BEND6: variants seen among roughly 807,000 people sequenced by gnomAD.
BEND6 encodes BEN domain-containing protein 6.
A neutral mutation model predicts 31.8 loss-of-function variants in BEND6; 24 were observed. That is an observed-to-expected ratio of 0.75 (90% CI 0.55 to 1.06). BEND6 has a LOEUF of 1.06. BEND6 is among the 50% of genes least tolerant of loss of function. The pLI is 0.00. For missense variants in BEND6, 294 were observed against 327.4 expected, an observed-to-expected ratio of 0.90 and a Z score of 0.79; for synonymous variants, 109 against 114.6, an observed-to-expected ratio of 0.95 and a Z score of 0.31.
At position 56,981,946 on chromosome 6, in the gene BEND6, C is replaced by CCTTGACTCAACTTTGTTAT. The variant is rs777088619; in HGVS notation, c.120+19_120+37dup. 7 of 1,597,488 alleles carry CCTTGACTCAACTTTGTTAT rather than the reference C, an allele frequency of 4.4e-6. No homozygotes were observed. In the African/African-American group the frequency reaches 9.5e-5, roughly 22 times the overall value. Reference sequence around the variant, plus strand: ...TAAAGGACAGGTTGGTTTTTTGTTACCTTGACTCAACTTTGTTATCTAGCT... The same window carrying CCTTGACTCAACTTTGTTAT: ...TAAAGGACAGGTTGGTTTTTTGTTACCTTGACTCAACTTTGTTATCTTGACTCAACTTTGTTATCTAGCT... On this transcript the variant is annotated intron_variant, in intron 2 of 6. Transcript: ENST00000370746.
chr6:57,004,257 G>A lies in BEND6; in HGVS notation c.299-10876G>A, dbSNP rs992487290. Among the ~76,000 whole-genome samples, 5 of 151,770 alleles carry A rather than the reference G, an allele frequency of 3.3e-5. No homozygotes were observed. The South Asian group carries it at 6.3e-4, about 19-fold the overall frequency. On this transcript the variant is annotated intron_variant, in intron 3 of 6. Transcript: ENST00000370746. ...CTATCTCTCTTTGCTGACAATATGA[G>A]TCTATACTAGAAAACCTTGAAGATT...
chr6:56,977,237 A>G (rs1825908029), intron 1 of BEND6, among the ~76,000 whole-genome samples: 1 of 152,234 alleles, frequency 6.6e-6, no homozygotes, highest in South Asian at 2.1e-4. Flanking sequence ...CACAATAATC[A>G]ATTAAATAAC....
At chr6:57,017,420 T>C (rs201617068) in intron 5 of BEND6, 21 bp downstream of exon 5, 624 of 1,310,256 alleles carry the variant, frequency 4.8e-4, no homozygotes, top group Non-Finnish European at 5.6e-4. Context: ...GATTGCGTTA[T>C]ATTGTCGTAT....
intron 1 of BEND6, among the ~76,000 whole-genome samples, chr6:56,962,114 C>T (rs1313914112): frequency 6.6e-6 from 1 of 152,174 alleles, no homozygotes; most frequent in Non-Finnish European, 1.5e-5. Flanking sequence ...TCAGCCTCCT[C>T]TCTCTCTTTC....
chr6:57,005,641 C>T (rs1827129847), intron 3 of BEND6, among the ~76,000 whole-genome samples: 1 of 150,898 alleles, frequency 6.6e-6, no homozygotes, highest in African/African-American at 2.4e-5. Context: ...GATCGCCCCA[C>T]TGCACTCCAC....
Position 57,015,195 on chromosome 6 carries a change from G to A in BEND6, c.361G>A (p.Gly121Ser), listed in dbSNP as rs1827496375. 2 of 1,614,024 alleles carry A rather than the reference G, an allele frequency of 1.2e-6. No homozygotes were observed. The highest frequency in any genetic ancestry group is 1.1e-5 in the South Asian group (1 of 91,076). The change falls in exon 4 of 7, where the codon GGT becomes AGT. Residue 121 changes from glycine (G) to serine (S), a missense_variant. Coordinates refer to ENST00000370746, the MANE Select transcript of BEND6 (RefSeq NM_152731.3). ...TGGTATGGCCGAGGCTCTGCTTAAGGGTGGGGGAACCATGTCTACATCTGC... is the reference window on the plus strand; with the variant it reads ...TGGTATGGCCGAGGCTCTGCTTAAGAGTGGGGGAACCATGTCTACATCTGC... ...LVGMAEALLK[G>S]GGTMSTSAST...
chr6:56,972,232 C>G (rs746184732), intron 1 of BEND6, among the ~76,000 whole-genome samples: 3 of 151,350 alleles, frequency 2.0e-5, no homozygotes, highest in Non-Finnish European at 2.9e-5. Context: ...ATAGCTGCGA[C>G]TAAAGTCATG....
chr6:56,993,520 A>T (rs1012491042), intron 3 of BEND6, among the ~76,000 whole-genome samples: 1 of 152,242 alleles, frequency 6.6e-6, no homozygotes, highest in African/African-American at 2.4e-5. Context: ...CAGAATAGTA[A>T]TAAGAGACAG....
rs565882948 is a variant in BEND6 at position 56,974,273 on chromosome 6, A to G, written c.-100-7438A>G. Reference sequence around the variant, plus strand: ...CAGAAAAAGAAATGAAGGTGAAATAAAAGAAAGCAGGTGATACCATCTAAA... The same window carrying G: ...CAGAAAAAGAAATGAAGGTGAAATAGAAGAAAGCAGGTGATACCATCTAAA... On this transcript the variant is annotated intron_variant, in intron 1 of 6. Coordinates refer to ENST00000370746, the MANE Select transcript of BEND6 (RefSeq NM_152731.3). Among the ~76,000 whole-genome samples the G allele has an allele frequency of 1.3e-3, 198 of 152,290 alleles. 2 individuals carry two copies. The highest frequency in any genetic ancestry group is 0.013 in the Admixed American group (198 of 15,294).
At chr6:57,004,660 C>T in intron 3 of BEND6, 1 of 1,352,956 alleles carries the variant, frequency 7.4e-7, no homozygotes. Context: ...GTGGGCATTA[C>T]ATTTGGAAAA....
chr6:56,965,291 T>C (rs1825433653), intron 1 of BEND6, among the ~76,000 whole-genome samples: 2 of 152,058 alleles, frequency 1.3e-5, no homozygotes, highest in Non-Finnish European at 2.9e-5. Flanking sequence ...CTTAAGATGA[T>C]TTATTAAGTA....
intron 1 of BEND6, among the ~76,000 whole-genome samples, chr6:56,957,411 C>G (rs1345851211): frequency 6.6e-6 from 1 of 152,118 alleles, no homozygotes; most frequent in Non-Finnish European, 1.5e-5. Flanking sequence ...TTGTTTGTTG[C>G]TAATTTATCA....
intron 2 of BEND6, among the ~76,000 whole-genome samples, chr6:56,983,072 C>T (rs1283329790): frequency 6.6e-6 from 1 of 152,162 alleles, no homozygotes; most frequent in Admixed American, 6.5e-5. Flanking sequence ...AACCACACAA[C>T]ACTGTACCAC....
chr6:56,967,442 TCTC>T (rs546453702), intron 1 of BEND6, among the ~76,000 whole-genome samples: 106 of 152,164 alleles, frequency 7.0e-4, no homozygotes, highest in African/African-American at 2.3e-3. Context: ...GAGGATAAAT[TCTC>T]CTGACTCGCT....
At chr6:56,963,483 A>G (rs1049757746) in intron 1 of BEND6, among the ~76,000 whole-genome samples, 1 of 152,228 alleles carries the variant, frequency 6.6e-6, no homozygotes, top group Non-Finnish European at 1.5e-5. Flanking sequence ...TTGACCCAGC[A>G]TCTCCAGAAA....
At chr6:56,984,849 C>T (rs896183496) in intron 2 of BEND6, among the ~76,000 whole-genome samples, 7 of 152,206 alleles carry the variant, frequency 4.6e-5, no homozygotes, top group Non-Finnish European at 1.0e-4. Context: ...CTGTCAAGAA[C>T]ACTTAAAGAA....
At chr6:56,958,123 A>T (rs1228340871) in intron 1 of BEND6, among the ~76,000 whole-genome samples, 1 of 152,196 alleles carries the variant, frequency 6.6e-6, no homozygotes, top group Admixed American at 6.5e-5. Context: ...GAAGCCTGAC[A>T]CTTTATAATC....
chr6:56,993,326 T>C (rs1390469576), intron 3 of BEND6, among the ~76,000 whole-genome samples: 10 of 152,206 alleles, frequency 6.6e-5, no homozygotes, highest in Non-Finnish European at 2.9e-5. Context: ...TGTAAAACAG[T>C]AAATACACAG....
intron 1 of BEND6, among the ~76,000 whole-genome samples, chr6:56,977,081 C>T (rs1211604262): frequency 6.6e-6 from 1 of 152,144 alleles, no homozygotes; most frequent in African/African-American, 2.4e-5. Flanking sequence ...AAATAAATTT[C>T]ATATGGCTCA....
Sources: gnomAD v4.1 joint callset for allele counts (sites outside exome capture counted in the v4.1 genomes callset) on GRCh38, gnomAD v4.1.1 for gene constraint, MANE v1.5 for transcripts, NCBI Gene and HGNC (gene_info 2026-07-23, HGNC 2026-07-21) for gene names.